Variants in ZFPM2 observed in about 807,000 individuals in gnomAD.
ZFPM2 encodes zinc finger protein ZFPM2.
Under a neutral mutation model 98.6 loss-of-function variants are expected in ZFPM2, and 20 were observed. The observed-to-expected ratio is 0.20, with a 90% confidence interval of 0.14 to 0.29. The LOEUF (loss-of-function observed/expected upper bound fraction) is 0.29, where lower values mean the gene tolerates loss of function less well. Among genes scored for constraint, ZFPM2 ranks in the 10% least tolerant of loss-of-function variants. ZFPM2 has a pLI of 1.00. For synonymous variants in ZFPM2, 518 were observed against 502.7 expected, an observed-to-expected ratio of 1.03 and a Z score of -0.41; for missense variants, 1,310 against 1,388.6, an observed-to-expected ratio of 0.94 and a Z score of 0.90.
chr8:105,534,415 C>CTTCCTCTCTTCCTCCTTTTCTTCT, intron 3 of ZFPM2, among the ~76,000 whole-genome samples: 1 of 146,358 alleles, frequency 6.8e-6, no homozygotes, highest in African/African-American at 2.5e-5. Context: ...TCCTTCCTTC[C>CTTCCTCTCTTCCTCCTTTTCTTCT]TTCCTCTCTT....
chr8:105,531,911 C>A (rs1213577077), intron 3 of ZFPM2, among the ~76,000 whole-genome samples: 2 of 152,076 alleles, frequency 1.3e-5, no homozygotes, highest in African/African-American at 2.4e-5. Context: ...CTTTTCTTTT[C>A]TTTTTCTGAG....
At chr8:105,502,961 G>A (rs1278653192) in intron 3 of ZFPM2, among the ~76,000 whole-genome samples, 1 of 152,100 alleles carries the variant, frequency 6.6e-6, no homozygotes, top group African/African-American at 2.4e-5. Flanking sequence ...TGATGAAGAT[G>A]GAATTGGACT....
intron 3 of ZFPM2, among the ~76,000 whole-genome samples, chr8:105,543,002 A>G (rs1190373752): frequency 6.6e-6 from 1 of 152,200 alleles, no homozygotes; most frequent in Non-Finnish European, 1.5e-5. Context: ...TTAGGTTGTT[A>G]CTAGTATCCA....
chr8:105,753,335 A>C (rs1812519886), intron 5 of ZFPM2, among the ~76,000 whole-genome samples: 1 of 152,090 alleles, frequency 6.6e-6, no homozygotes, highest in African/African-American at 2.4e-5. Flanking sequence ...AACCTTATAC[A>C]CAAAGCCCAC....
chr8:105,375,274 T>A (rs1197664117), intron 1 of ZFPM2, among the ~76,000 whole-genome samples: 1 of 152,118 alleles, frequency 6.6e-6, no homozygotes, highest in Non-Finnish European at 1.5e-5. Flanking sequence ...TCTAACAGGG[T>A]CCTTCATTGA....
At chr8:105,380,341 C>G (rs1360788736) in intron 1 of ZFPM2, among the ~76,000 whole-genome samples, 1 of 151,130 alleles carries the variant, frequency 6.6e-6, no homozygotes, top group African/African-American at 2.4e-5. Flanking sequence ...ATGACCCCAC[C>G]CACTTTATGC....
intron 5 of ZFPM2, among the ~76,000 whole-genome samples, chr8:105,646,312 T>A (rs1413880968): frequency 1.3e-5 from 2 of 152,108 alleles, no homozygotes; most frequent in African/African-American, 2.4e-5. Flanking sequence ...AGTTGTTTTG[T>A]CAAAACTGCA....
intron 5 of ZFPM2, among the ~76,000 whole-genome samples, chr8:105,638,854 C>T (rs1047472103): frequency 1.3e-5 from 2 of 151,966 alleles, no homozygotes; most frequent in African/African-American, 4.8e-5. Flanking sequence ...AGGTTGCCAT[C>T]ATCTTGTTTT....
chr8:105,615,055 A>G (rs1228013936), intron 4 of ZFPM2, among the ~76,000 whole-genome samples: 6 of 152,100 alleles, frequency 3.9e-5, no homozygotes, highest in African/African-American at 1.4e-4. Flanking sequence ...AAATTGTTCC[A>G]TGTGTCTTGT....
chr8:105,669,754 G>A (rs1484761970), intron 5 of ZFPM2, among the ~76,000 whole-genome samples: 1 of 152,044 alleles, frequency 6.6e-6, no homozygotes, highest in Non-Finnish European at 1.5e-5. Context: ...TCCAGCTCTA[G>A]AAGCAAAGGT....
At chr8:105,590,880 A>G (rs530305722) in intron 4 of ZFPM2, among the ~76,000 whole-genome samples, 1 of 152,356 alleles carries the variant, frequency 6.6e-6, no homozygotes, top group African/African-American at 2.4e-5. Flanking sequence ...AAACCCATAT[A>G]TCAGACTTGA....
rs538721495 is a variant in ZFPM2 at position 105,551,338 on chromosome 8, A to G, written c.302-10025A>G. 8.5e-5 allele frequency among the ~76,000 whole-genome samples: 13 copies of G among 152,324 alleles called. No homozygotes were observed. The East Asian group carries it at 2.3e-3, about 27-fold the overall frequency. ...TGTGCTGGCAGTAGTATTGAACTCA[A>G]GGAATGAACTCAAGTATCCTAGGGT... On this transcript the variant is annotated intron_variant, in intron 3 of 7. Transcript: ENST00000407775.
chr8:105,361,288 G>C (rs1412947559), intron 1 of ZFPM2, among the ~76,000 whole-genome samples: 538 of 144,946 alleles, frequency 3.7e-3, no homozygotes, highest in African/African-American at 0.013. Context: ...AGAAGTGTCT[G>C]TTCATATCCT....
chr8:105,762,456 A>C (rs1812753387), intron 5 of ZFPM2, among the ~76,000 whole-genome samples: 1 of 151,884 alleles, frequency 6.6e-6, no homozygotes, highest in Non-Finnish European at 1.5e-5. Context: ...TCACTCCGCT[A>C]TCTGTCCTCT....
chr8:105,351,310 A>G (rs144423708), intron 1 of ZFPM2, among the ~76,000 whole-genome samples: 32 of 151,642 alleles, frequency 2.1e-4, no homozygotes, highest in Non-Finnish European at 3.8e-4. Flanking sequence ...TAGTTGCTAT[A>G]CTATATTTTA....
intron 1 of ZFPM2, among the ~76,000 whole-genome samples, chr8:105,366,499 AT>A (rs869110285): frequency 1.8e-4 from 1 of 5,598 alleles, no homozygotes; most frequent in Non-Finnish European, 3.8e-4. Flanking sequence ...CTTTTTTTTA[AT>A]TTTTTTCATT....
intron 5 of ZFPM2, 25 bp downstream of exon 5, chr8:105,634,382 C>A (rs752083417): frequency 2.5e-6 from 4 of 1,570,102 alleles, no homozygotes; most frequent in Middle Eastern, 1.7e-4. Flanking sequence ...GTTTCCCTCT[C>A]TCTTTGGAAG....
At chr8:105,436,814 A>G (rs528721341) in intron 2 of ZFPM2, among the ~76,000 whole-genome samples, 3 of 152,340 alleles carry the variant, frequency 2.0e-5, no homozygotes, top group South Asian at 4.1e-4. Flanking sequence ...TGTGATGTTT[A>G]TAAAGCATTT....
chr8:105,570,012 T>G (rs1424700690), intron 4 of ZFPM2, among the ~76,000 whole-genome samples: 1 of 152,182 alleles, frequency 6.6e-6, no homozygotes, highest in East Asian at 1.9e-4. Context: ...ACAGACGCCC[T>G]TAGGTTCTAG....
Sources: allele counts gnomAD v4.1 joint callset (sites outside exome capture counted in the v4.1 genomes callset), GRCh38; gene constraint gnomAD v4.1.1; transcripts MANE v1.5; gene names NCBI Gene and HGNC (gene_info 2026-07-23, HGNC 2026-07-21).